OSMR: variants seen among roughly 807,000 people sequenced by gnomAD.
OSMR encodes oncostatin-M-specific receptor subunit beta.
In OSMR, 81 loss-of-function variants were observed where a neutral mutation model predicts 99.9. The observed-to-expected ratio is 0.81, with a 90% CI of 0.68 to 0.97. The LOEUF is 0.97. Among genes scored for constraint, OSMR ranks in the 50% least tolerant of loss-of-function variants. The pLI, the probability that OSMR is intolerant of heterozygous loss-of-function variation, is 0.00. For synonymous variants in OSMR, 406 were observed against 410.4 expected (o/e 0.99, Z 0.13); for missense variants, 1,099 against 1,153.4 (o/e 0.95, Z 0.68).
At chr5:38,931,670 A>AT (rs1225994725) in intron 15 of OSMR, 29 of 381,958 alleles carry the variant, frequency 7.6e-5, no homozygotes, top group Non-Finnish European at 1.0e-4. Flanking sequence ...TTTGAGACAC[A>AT]CGGTGTTGAT....
chr5:38,903,853 T>G (rs773624928), intron 7 of OSMR, 29 bp from the exon 8 acceptor site: 1 of 1,597,320 alleles, frequency 6.3e-7, no homozygotes, highest in Admixed American at 1.7e-5. Flanking sequence ...TGCTTGAATT[T>G]TTTTGTTTCT....
Position 38,918,992 on chromosome 5 carries a change from C to T in OSMR, c.1515C>T (p.Cys505=), listed in dbSNP as rs367714483. 86 of 1,613,996 alleles carry T rather than the reference C, an allele frequency of 5.3e-5. No individual in the cohort carries two copies. The highest frequency in any genetic ancestry group is 6.4e-5 in the Non-Finnish European group (76 of 1,179,994). The change falls in exon 11 of 18, where the codon TGC becomes TGT. Residue 505 remains cysteine, a synonymous_variant. Transcript: ENST00000274276. ...LILDRCSYQI[C]VIANNSVGAS... is the part of the protein sequence containing the mutation. ...TTGACAGGTGTTCCTACCAAATCTG[C>T]GTCATAGCCAACAACAGTGTGGGTG...
intron 3 of OSMR, among the ~76,000 whole-genome samples, chr5:38,878,153 CAT>C (rs1742988435): frequency 6.6e-6 from 1 of 152,194 alleles, no homozygotes; most frequent in Non-Finnish European, 1.5e-5. Flanking sequence ...GCCCCCAGGC[CAT>C]CGGTGGACAC....
intron 15 of OSMR, among the ~76,000 whole-genome samples, chr5:38,930,215 G>A (rs1746658643): frequency 6.6e-6 from 1 of 152,176 alleles, no homozygotes; most frequent in South Asian, 2.1e-4. Context: ...ATCATCAAAA[G>A]TACTGTTCTT....
At chr5:38,847,436 A>G (rs574239702) in intron 1 of OSMR, among the ~76,000 whole-genome samples, 1 of 152,230 alleles carries the variant, frequency 6.6e-6, no homozygotes, top group African/African-American at 2.4e-5. Context: ...CTAGCAGGTG[A>G]CAGTATCAGG....
chr5:38,867,101 A>G (rs922820071), intron 1 of OSMR, among the ~76,000 whole-genome samples: 1 of 152,200 alleles, frequency 6.6e-6, no homozygotes, highest in East Asian at 1.9e-4. Context: ...CTAGCCAGCC[A>G]TCTTGAAGTC....
At chr5:38,917,758 T>C in intron 10 of OSMR, 136 bp downstream of exon 10, 1 of 695,986 alleles carries the variant, frequency 1.4e-6, no homozygotes, top group South Asian at 1.5e-5. Flanking sequence ...TCCAATAGAA[T>C]TTCTTACCTA....
At chr5:38,931,827 C>T in intron 15 of OSMR, 56 bp from the exon 16 acceptor site, 2 of 1,583,346 alleles carry the variant, frequency 1.3e-6, no homozygotes, top group Non-Finnish European at 8.7e-7. Context: ...GTATTTATTC[C>T]TTTGAGGAAG....
chr5:38,883,784 A>G (rs1376827129), intron 4 of OSMR, 43 bp from the exon 5 acceptor site: 2 of 1,611,602 alleles, frequency 1.2e-6, no homozygotes, highest in African/African-American at 2.7e-5. Flanking sequence ...AGAGGCTTGA[A>G]TTTTGAGTGC....
intron 1 of OSMR, among the ~76,000 whole-genome samples, chr5:38,860,771 C>T (rs1461274259): frequency 6.6e-6 from 1 of 152,170 alleles, no homozygotes; most frequent in African/African-American, 2.4e-5. Context: ...CTCCTGGGTT[C>T]AAGTGATTCT....
downstream of OSMR, chr5:38,945,548 T>A: frequency 1.2e-6 from 2 of 1,614,152 alleles, no homozygotes; most frequent in Non-Finnish European, 1.7e-6. Flanking sequence ...AGAATTTCAA[T>A]ACAGACACAA....
In OSMR at chr5:38,885,131, C is replaced by T. The variant is rs1393112; in HGVS notation, c.704-218C>T. On this transcript the variant is annotated intron_variant, in intron 5 of 17. Transcript: ENST00000274276. ...TAACATGGACCATCCATGCCCATGA[C>T]ATCTCAGAAAATCACAAGGGCAGGA... 8.6e-3 allele frequency: 8,198 copies of T among 949,600 alleles called. 413 individuals carry two copies. In the African/African-American group the frequency reaches 0.11, roughly 13 times the overall value. The allele number at this position is 949,600 out of a possible 1,614,324, so 58.8% of individuals were successfully genotyped here. A position where few individuals can be genotyped will look rare whatever the true frequency, so the allele number is the denominator to read the frequency against.
downstream of OSMR, among the ~76,000 whole-genome samples, chr5:38,937,058 G>T (rs1255020542): frequency 6.6e-6 from 1 of 152,002 alleles, no homozygotes; most frequent in South Asian, 2.1e-4. The surrounding 1 kb of genome is among the most constrained non-coding windows in gnomAD (Gnocchi z 4.0). Flanking sequence ...TTTTTGAGAC[G>T]GACTCTTGCT....
chr5:38,911,302 T>G (rs2112586837), intron 9 of OSMR, among the ~76,000 whole-genome samples: 1 of 152,292 alleles, frequency 6.6e-6, no homozygotes, highest in South Asian at 2.1e-4. Flanking sequence ...TGTGAGCACC[T>G]TTTTGGACAC....
At chr5:38,861,341 T>C (rs1344673752) in intron 1 of OSMR, among the ~76,000 whole-genome samples, 2 of 152,044 alleles carry the variant, frequency 1.3e-5, no homozygotes, top group African/African-American at 4.8e-5. Context: ...GCATGCTGCC[T>C]TCAAGCATCT....
At chr5:38,924,340 T>C in intron 13 of OSMR, 82 bp from the exon 14 acceptor site, 1 of 1,604,770 alleles carries the variant, frequency 6.2e-7, no homozygotes, top group Non-Finnish European at 8.5e-7. Context: ...GAGCTGGCTA[T>C]GGTTCTTCTA....
chr5:38,883,990 T>C lies in OSMR; in HGVS notation c.582T>C (p.His194=). 6.2e-7 allele frequency: 1 copy of C among 1,613,410 alleles called. No homozygotes were observed. Among genetic ancestry groups the C allele is most frequent in the Non-Finnish European group, 8.5e-7 (1 of 1,179,304 alleles). Residue 194 remains histidine (H), a synonymous_variant, in exon 5 of 18, where the codon CAT becomes CAC. Coordinates refer to ENST00000274276, the MANE Select transcript of OSMR (RefSeq NM_003999.3). The part of the protein sequence containing the change: ...KQIHGEQLDP[H]VTAFNLNSVP... The stretch of plus-strand genomic sequence containing the variant: ...TTCATGGAGAACAACTTGATCCACA[T>C]GTAACTGCATTCAACTTGAATAGTG...
At chr5:38,854,264 G>T (rs1032229247) in intron 1 of OSMR, among the ~76,000 whole-genome samples, 1 of 152,168 alleles carries the variant, frequency 6.6e-6, no homozygotes, top group African/African-American at 2.4e-5. Context: ...TTCTTGGGAC[G>T]TGAATGACTC....
At chr5:38,909,161 C>T (rs1298921553) in intron 9 of OSMR, among the ~76,000 whole-genome samples, 1 of 152,032 alleles carries the variant, frequency 6.6e-6, no homozygotes, top group African/African-American at 2.4e-5. Context: ...GCTCAAAGAC[C>T]AGTTCTTCAA....
Sources: gnomAD v4.1 joint callset for allele counts (sites outside exome capture counted in the v4.1 genomes callset) on GRCh38, gnomAD v4.1.1 for gene constraint, Gnocchi (gnomAD v3.1) non-coding constraint, MANE v1.5 for transcripts, NCBI Gene and HGNC (gene_info 2026-07-23, HGNC 2026-07-21) for gene names.